Variants in LRRC4C observed in about 807,000 individuals in gnomAD.
LRRC4C encodes leucine-rich repeat-containing protein 4C.
LRRC4C carries 5 observed loss-of-function variants against 33.6 expected under a neutral mutation model. The ratio of observed to expected loss-of-function variants is 0.15; its 90% CI spans 0.08 to 0.31. LRRC4C has a LOEUF of 0.31. Ranked by LOEUF, LRRC4C falls within the 10% of genes least tolerant of loss-of-function variation. The probability of loss-of-function intolerance (pLI) is 1.00; values close to 1 mark genes in which losing one functional copy is unlikely to be tolerated. For missense variants in LRRC4C, 560 were observed against 796.7 expected, an observed-to-expected ratio of 0.70 and a Z score of 3.58; for synonymous variants, 329 against 302.0, an observed-to-expected ratio of 1.09 and a Z score of -0.93.
intron 5 of LRRC4C, among the ~76,000 whole-genome samples, chr11:40,192,392 G>C (rs1861918694): frequency 6.6e-6 from 1 of 152,144 alleles, no homozygotes; most frequent in African/African-American, 2.4e-5. Context: ...CCTAGCCAAG[G>C]GCAGCCATGA....
intron 3 of LRRC4C, among the ~76,000 whole-genome samples, chr11:40,627,957 G>A (rs1479857835): frequency 6.6e-6 from 1 of 152,110 alleles, no homozygotes; most frequent in African/African-American, 2.4e-5. Flanking sequence ...CTACCGAATT[G>A]TAATTTCCTT....
chr11:40,442,480 A>T (rs1951441424), intron 3 of LRRC4C, among the ~76,000 whole-genome samples: 1 of 152,190 alleles, frequency 6.6e-6, no homozygotes, highest in Non-Finnish European at 1.5e-5. Flanking sequence ...AAATAATTGA[A>T]ATGTGATAAG....
At chr11:40,860,650 G>C (rs908611160) in intron 2 of LRRC4C, among the ~76,000 whole-genome samples, 3 of 151,836 alleles carry the variant, frequency 2.0e-5, no homozygotes, top group Non-Finnish European at 4.4e-5. Flanking sequence ...TAGAACACTA[G>C]TCATATTGAA....
intron 1 of LRRC4C, among the ~76,000 whole-genome samples, chr11:40,952,849 A>AC (rs1958762783): frequency 4.4e-5 from 5 of 112,786 alleles, no homozygotes; most frequent in Admixed American, 9.7e-5. Flanking sequence ...TCTATTTCCA[A>AC]ACACACACAC....
intron 3 of LRRC4C, among the ~76,000 whole-genome samples, chr11:40,556,423 T>C (rs572815950): frequency 1.3e-5 from 2 of 152,346 alleles, no homozygotes; most frequent in African/African-American, 4.8e-5. Context: ...GAATAAATCC[T>C]GAGACACTAT....
intron 2 of LRRC4C, among the ~76,000 whole-genome samples, chr11:40,652,359 C>G (rs79317434): frequency 6.0e-4 from 92 of 152,322 alleles, no homozygotes; most frequent in African/African-American, 2.1e-3. Flanking sequence ...TTTATCTCAA[C>G]TTGCTCTGTG....
chr11:40,462,382 GTTAC>G (rs781522060), intron 3 of LRRC4C, among the ~76,000 whole-genome samples: 4 of 152,074 alleles, frequency 2.6e-5, no homozygotes, highest in Non-Finnish European at 5.9e-5. Context: ...ATGATTTGAT[GTTAC>G]TTAAAGGGGT....
chr11:40,491,554 T>A (rs562669027), intron 3 of LRRC4C, among the ~76,000 whole-genome samples: 1 of 152,248 alleles, frequency 6.6e-6, no homozygotes, highest in African/African-American at 2.4e-5. Flanking sequence ...GTTGTAGGAA[T>A]GCGTACCTCA....
intron 1 of LRRC4C, among the ~76,000 whole-genome samples, chr11:41,120,037 G>T (rs936032107): frequency 1.3e-5 from 2 of 152,054 alleles, no homozygotes; most frequent in East Asian, 3.9e-4. Flanking sequence ...TTCTGATTTC[G>T]TCTCAGTCCA....
intron 1 of LRRC4C, among the ~76,000 whole-genome samples, chr11:41,234,055 C>T (rs900591613): frequency 1.3e-5 from 2 of 151,566 alleles, no homozygotes; most frequent in Non-Finnish European, 2.9e-5. Flanking sequence ...ACAAAATGTC[C>T]TATACTTGTC....
chr11:40,860,937 A>AT (rs199974277), intron 2 of LRRC4C, among the ~76,000 whole-genome samples: 7,555 of 151,978 alleles, frequency 0.05, 488 homozygotes, highest in African/African-American at 0.15. Context: ...AACGTTGTAA[A>AT]GATATTAAAT....
intron 2 of LRRC4C, among the ~76,000 whole-genome samples, chr11:40,835,695 G>A (rs551742610): frequency 6.6e-6 from 1 of 152,162 alleles, no homozygotes; most frequent in Non-Finnish European, 1.5e-5. Flanking sequence ...CACAAAGAAA[G>A]ACATAAGCCC....
chr11:40,936,121 T>A (rs1457964644), intron 1 of LRRC4C, among the ~76,000 whole-genome samples: 2 of 138,764 alleles, frequency 1.4e-5, no homozygotes. Context: ...GCAATGTAAC[T>A]GAGCTGCAAT....
intron 5 of LRRC4C, among the ~76,000 whole-genome samples, chr11:40,146,495 C>A (rs1857743877): frequency 6.6e-6 from 1 of 152,090 alleles, no homozygotes; most frequent in Non-Finnish European, 1.5e-5. Flanking sequence ...TGGCTATAAG[C>A]CTTAAAATAC....
intron 1 of LRRC4C, chr11:41,426,259 A>T (rs1480914378): frequency 6.6e-6 from 1 of 152,206 alleles, no homozygotes; most frequent in Non-Finnish European, 1.5e-5. Flanking sequence ...AGCTTCTAAC[A>T]TAAACTATAG....
intron 1 of LRRC4C, among the ~76,000 whole-genome samples, chr11:40,974,225 T>C (rs1483488896): frequency 6.6e-6 from 1 of 152,166 alleles, no homozygotes; most frequent in Non-Finnish European, 1.5e-5. Flanking sequence ...TTGACGTGAG[T>C]TCTACTCTTT....
chr11:41,014,584 T>C (rs1004894936), intron 1 of LRRC4C, among the ~76,000 whole-genome samples: 5 of 151,728 alleles, frequency 3.3e-5, no homozygotes, highest in African/African-American at 1.2e-4. Flanking sequence ...AAGATAAACC[T>C]GGAGGCCCAC....
chr11:41,071,154 G>T (rs1287131258), intron 1 of LRRC4C, among the ~76,000 whole-genome samples: 1 of 152,040 alleles, frequency 6.6e-6, no homozygotes, highest in African/African-American at 2.4e-5. Flanking sequence ...CAGAGTAACA[G>T]AAAACCAAAC....
chr11:40,762,750 T>C (rs1398193814), intron 2 of LRRC4C, among the ~76,000 whole-genome samples: 3 of 152,122 alleles, frequency 2.0e-5, no homozygotes, highest in Admixed American at 1.3e-4. Flanking sequence ...TATCCTAAAA[T>C]ATAAATTTTT....
Sources: gnomAD v4.1 joint callset for allele counts (sites outside exome capture counted in the v4.1 genomes callset) on GRCh38, gnomAD v4.1.1 for gene constraint, MANE v1.5 for transcripts, NCBI Gene and HGNC (gene_info 2026-07-23, HGNC 2026-07-21) for gene names.